Variants in RNF180 observed in about 807,000 individuals in gnomAD.
RNF180 encodes the protein E3 ubiquitin-protein ligase RNF180.
In RNF180, 38 loss-of-function variants were observed where a neutral mutation model predicts 59.2. The observed-to-expected ratio is 0.64, with a 90% confidence interval of 0.50 to 0.84. RNF180 has a LOEUF of 0.84. RNF180 is among the 40% of genes least tolerant of loss of function. The pLI, the probability that RNF180 is intolerant of heterozygous loss-of-function variation, is 0.00. For synonymous variants in RNF180, 262 were observed against 240.3 expected (o/e 1.09, Z -0.84); for missense variants, 705 against 700.9 (o/e 1.01, Z -0.07).
At chr5:64,276,540 G>A (rs1430419849) in intron 5 of RNF180, among the ~76,000 whole-genome samples, 2 of 152,000 alleles carry the variant, frequency 1.3e-5, no homozygotes, top group African/African-American at 2.4e-5. Flanking sequence ...AGATTTAACA[G>A]ATCTAGAACC....
intron 1 of RNF180, among the ~76,000 whole-genome samples, chr5:64,169,930 C>T (rs532986367): frequency 6.6e-6 from 1 of 152,350 alleles, no homozygotes; most frequent in Admixed American, 6.5e-5. Context: ...CAAAGCCGAT[C>T]CAAAAGGGTT....
At chr5:64,279,171 C>G (rs976111333) in intron 5 of RNF180, among the ~76,000 whole-genome samples, 3 of 152,188 alleles carry the variant, frequency 2.0e-5, no homozygotes, top group African/African-American at 7.2e-5. Context: ...AAAGGAGACT[C>G]TATTCAAGTG....
At chr5:64,369,543 A>G (rs939690977) in intron 7 of RNF180, 72 bp from the exon 8 acceptor site, 20 of 882,424 alleles carry the variant, frequency 2.3e-5, no homozygotes, top group Non-Finnish European at 3.0e-5. Context: ...GTTTAACTGT[A>G]CTTGTGTACA....
At chr5:64,239,266 G>A (rs902969285) in intron 5 of RNF180, among the ~76,000 whole-genome samples, 2 of 152,074 alleles carry the variant, frequency 1.3e-5, no homozygotes, top group African/African-American at 2.4e-5. Context: ...AGAAACATAC[G>A]TACCTACTGA....
intron 5 of RNF180, among the ~76,000 whole-genome samples, chr5:64,218,250 T>C (rs1188607441): frequency 2.0e-5 from 3 of 152,226 alleles, no homozygotes; most frequent in African/African-American, 4.8e-5. Flanking sequence ...TTTATAGTTT[T>C]AAGTTTTACA....
At chr5:64,284,959 A>G (rs1382459186) in intron 5 of RNF180, among the ~76,000 whole-genome samples, 1 of 152,120 alleles carries the variant, frequency 6.6e-6, no homozygotes, top group Non-Finnish European at 1.5e-5. Context: ...CTGATGTTTA[A>G]TCTTTGAAGC....
intron 5 of RNF180, among the ~76,000 whole-genome samples, chr5:64,237,638 A>T (rs546209699): frequency 6.6e-6 from 1 of 152,218 alleles, no homozygotes; most frequent in African/African-American, 2.4e-5. Flanking sequence ...GCAGAATGAT[A>T]TGGTTTGGCC....
chr5:64,340,697 G>C (rs1745322661), intron 7 of RNF180, among the ~76,000 whole-genome samples: 1 of 151,952 alleles, frequency 6.6e-6, no homozygotes, highest in Non-Finnish European at 1.5e-5. Flanking sequence ...ATAATTTTTT[G>C]AAAAGGCCTG....
intron 5 of RNF180, among the ~76,000 whole-genome samples, chr5:64,321,730 A>C (rs1306540577): frequency 6.6e-6 from 1 of 152,232 alleles, no homozygotes; most frequent in Admixed American, 6.5e-5. Flanking sequence ...AAAAAGAAGA[A>C]GGCTGGAGGC....
At chr5:64,327,909 T>G (rs143213124) in intron 6 of RNF180, among the ~76,000 whole-genome samples, 1 of 152,340 alleles carries the variant, frequency 6.6e-6, no homozygotes, top group African/African-American at 2.4e-5. Context: ...TCTCTCTCTT[T>G]AGATCTAATA....
intron 5 of RNF180, among the ~76,000 whole-genome samples, chr5:64,294,894 C>T (rs888357661): frequency 1.1e-4 from 16 of 152,202 alleles, no homozygotes; most frequent in Middle Eastern, 3.4e-3. Context: ...AGACATAAAG[C>T]GTATTACTCT....
At chr5:64,321,222 G>T (rs181367291) in intron 5 of RNF180, among the ~76,000 whole-genome samples, 1 of 152,236 alleles carries the variant, frequency 6.6e-6, no homozygotes, top group Admixed American at 6.5e-5. Context: ...TAGGAAGAGA[G>T]GAAATCAAAT....
chr5:64,260,276 G>C (rs1744253131), intron 5 of RNF180, among the ~76,000 whole-genome samples: 1 of 152,018 alleles, frequency 6.6e-6, no homozygotes, highest in Non-Finnish European at 1.5e-5. Context: ...ATTTTCAGTA[G>C]CTACACAATA....
intron 4 of RNF180, 61 bp from the exon 5 acceptor site, chr5:64,217,300 A>G (rs1752680888): frequency 7.5e-7 from 1 of 1,324,830 alleles, no homozygotes; most frequent in Admixed American, 3.6e-5. Context: ...AATTATGAAT[A>G]GAACTTTTAC....
chr5:64,327,539 G>A (rs1185830574), intron 6 of RNF180, among the ~76,000 whole-genome samples: 2 of 151,872 alleles, frequency 1.3e-5, no homozygotes, highest in Non-Finnish European at 2.9e-5. Flanking sequence ...TCATACATTT[G>A]TCATTCAGGA....
At chr5:64,275,066 T>A (rs1741639218) in intron 5 of RNF180, among the ~76,000 whole-genome samples, 1 of 151,892 alleles carries the variant, frequency 6.6e-6, no homozygotes. Context: ...TGAAGCCATA[T>A]TCTGAGACTA....
intron 1 of RNF180, among the ~76,000 whole-genome samples, chr5:64,169,244 A>G (rs1270548998): frequency 6.6e-6 from 1 of 152,182 alleles, no homozygotes; most frequent in Non-Finnish European, 1.5e-5. Context: ...CCTGTTGTAA[A>G]TATTATTTAA....
intron 5 of RNF180, among the ~76,000 whole-genome samples, chr5:64,257,295 A>C (rs1270876425): frequency 1.3e-5 from 2 of 152,238 alleles, no homozygotes; most frequent in African/African-American, 4.8e-5. Flanking sequence ...TTCAAAGGGA[A>C]TGCTTCCAGC....
At chr5:64,213,181 T>C (rs1752399414) in intron 3 of RNF180, among the ~76,000 whole-genome samples, 1 of 152,214 alleles carries the variant, frequency 6.6e-6, no homozygotes, top group Admixed American at 6.5e-5. Flanking sequence ...AAACAGATAC[T>C]TTTCTGTGAG....
Sources: allele counts gnomAD v4.1 joint callset (sites outside exome capture counted in the v4.1 genomes callset), GRCh38; gene constraint gnomAD v4.1.1; transcripts MANE v1.5; gene names NCBI Gene and HGNC (gene_info 2026-07-23, HGNC 2026-07-21).